LRRC51: variants seen among roughly 807,000 people sequenced by gnomAD.
LRRC51 encodes leucine rich repeat containing 51.
Under a neutral mutation model 17.8 loss-of-function variants are expected in LRRC51, and 8 were observed. That is an observed-to-expected ratio of 0.45 (90% CI 0.26 to 0.81). The LOEUF (loss-of-function observed/expected upper bound fraction) is 0.81. Among genes scored for constraint, LRRC51 ranks in the 30% least tolerant of loss-of-function variants. LRRC51 has a pLI of 0.17. For missense variants in LRRC51, 233 were observed against 239.3 expected (o/e 0.97, Z 0.17); for synonymous variants, 92 against 96.0 (o/e 0.96, Z 0.24).
chr11:72,093,310 T>C (rs912744125), intron 3 of LRRC51, among the ~76,000 whole-genome samples, 186 bp from the exon 4 acceptor site: 2 of 152,238 alleles, frequency 1.3e-5, no homozygotes, highest in African/African-American at 4.8e-5. Flanking sequence ...TCTCTGGCCC[T>C]TAGTCTAAAC....
chr11:72,089,025 C>G lies in LRRC51; in HGVS notation c.-55-4C>G. 5 of 1,611,470 alleles carry G rather than the reference C, an allele frequency of 3.1e-6. No homozygotes were observed. The highest frequency in any genetic ancestry group is 4.2e-6 in the Non-Finnish European group (5 of 1,179,620). On this transcript the variant is annotated splice_region_variant and splice_polypyrimidine_tract_variant and intron_variant, in intron 2 of 5. Coordinates refer to ENST00000289488, the MANE Select transcript of LRRC51 (RefSeq NM_145309.6). ...GAAACACTGGTCTTTCTCTGTCCTC[C>G]CAGGCTGAACCCAGACTCCCAGGGC...
Position 72,093,561 on chromosome 11 carries a change from C to T in LRRC51, c.148C>T (p.Leu50=). ...GAAGCGTTCAAAGTCGGGGAAATCACTGACCCAGTCCCTGTGGCTGAATAA... is the reference window on the plus strand; with the variant it reads ...GAAGCGTTCAAAGTCGGGGAAATCATTGACCCAGTCCCTGTGGCTGAATAA... ...PLKRSKSGKS[L]TQSLWLNNNV... Residue 50 remains leucine (L), a synonymous_variant, in exon 4 of 6, where the codon CTG becomes TTG. Transcript: ENST00000289488. 6.2e-7 allele frequency: 1 copy of T among 1,614,270 alleles called. No homozygotes were observed. The highest frequency in any genetic ancestry group is 8.5e-7 in the Non-Finnish European group (1 of 1,180,054).
At position 72,093,521 on chromosome 11, in the gene LRRC51, A is replaced by G. The variant is rs572218194; in HGVS notation, c.108A>G (p.Thr36=). The change falls in exon 4 of 6, where the codon ACA becomes ACG. Residue 36 remains threonine, a synonymous_variant. Coordinates refer to ENST00000289488, the MANE Select transcript of LRRC51 (RefSeq NM_145309.6). ...IQDLVNEEPR[T]GLRPLKRSKS... ...ATCTGGTAAATGAGGAGCCAAGGAC[A>G]GGACTACGACCACTGAAGCGTTCAA... is the stretch of plus-strand genomic sequence containing the variant. The G allele has an allele frequency of 1.6e-5, 26 of 1,613,908 alleles. No homozygotes were observed. The African/African-American group carries it at 3.3e-4, about 21-fold the overall frequency.
At chr11:72,085,446 A>C (rs1238924349) in intron 1 of LRRC51, 1 of 150,692 alleles carries the variant, frequency 6.6e-6, no homozygotes, top group Admixed American at 6.6e-5. Context: ...GGGAGAAAGA[A>C]GTCTGAGTCT....
intron 1 of LRRC51, among the ~76,000 whole-genome samples, chr11:72,081,137 C>T (rs1944156420): frequency 6.6e-6 from 1 of 152,126 alleles, no homozygotes; most frequent in African/African-American, 2.4e-5. Flanking sequence ...AGAACCACCC[C>T]CAGGGCCGGG....
intron 1 of LRRC51, chr11:72,086,270 T>C: frequency 1.6e-6 from 1 of 611,598 alleles, no homozygotes; most frequent in Non-Finnish European, 2.9e-6. Context: ...CAGGCTGGTT[T>C]ACCACAATCA....
intron 2 of LRRC51, 185 bp from the exon 3 acceptor site, chr11:72,088,844 G>T: frequency 1.7e-6 from 1 of 603,790 alleles, no homozygotes; most frequent in Non-Finnish European, 2.8e-6. Flanking sequence ...AGATGTGAAG[G>T]TGCTCTGAGA....
rs1196421033 is a variant in LRRC51 at position 72,096,530 on chromosome 11, C to T, written c.*1010C>T. On this transcript the variant is annotated 3_prime_UTR_variant, in exon 6 of 6. Transcript: ENST00000289488. Reference sequence around the variant, plus strand: ...TAGGATTACAGGATAAGCCACTGCACCTGGCCAGCTCTAGTCTTATTTTGC... The same window carrying T: ...TAGGATTACAGGATAAGCCACTGCATCTGGCCAGCTCTAGTCTTATTTTGC... 1 of 1,314,322 alleles carries T rather than the reference C, an allele frequency of 7.6e-7. No individual in the cohort carries two copies. Among genetic ancestry groups the T allele is most frequent in the Non-Finnish European group, 9.7e-7 (1 of 1,031,710 alleles). 81.4% of individuals were successfully genotyped at this position (1,314,322 alleles called of 1,614,324 possible).
At position 72,095,101 on chromosome 11, in the gene LRRC51, G is replaced by A; in HGVS notation, c.437+5G>A. ...GGAGGAAGAGAAAGGGTATAGGTAAGTGCCCTGCCCCTGGAGGTAGCGTCT... is the reference window on the plus strand; with the variant it reads ...GGAGGAAGAGAAAGGGTATAGGTAAATGCCCTGCCCCTGGAGGTAGCGTCT... On this transcript the variant is annotated splice_donor_5th_base_variant and intron_variant, in intron 5 of 5. Coordinates refer to ENST00000289488, the MANE Select transcript of LRRC51 (RefSeq NM_145309.6). The A allele has an allele frequency of 6.2e-7, 1 of 1,613,608 alleles. No individual in the cohort carries two copies. The highest frequency in any genetic ancestry group is 8.5e-7 in the Non-Finnish European group (1 of 1,179,636).
At chr11:72,083,157 G>A (rs896377455) in intron 1 of LRRC51, among the ~76,000 whole-genome samples, 5 of 152,120 alleles carry the variant, frequency 3.3e-5, no homozygotes, top group East Asian at 1.9e-4. Context: ...GAGCCGCCAC[G>A]CCCAGCCAGC....
chr11:72,094,931 G>A lies in LRRC51; in HGVS notation c.289-17G>A, dbSNP rs768778599. ...CCTGTCCTGTCTAGCCTGGCTTTTGGTTTCCCTCCCCAACAGGTCCTAACA... is the reference window on the plus strand; with the variant it reads ...CCTGTCCTGTCTAGCCTGGCTTTTGATTTCCCTCCCCAACAGGTCCTAACA... On this transcript the variant is annotated splice_polypyrimidine_tract_variant and intron_variant, in intron 4 of 5. Transcript: ENST00000289488. 17 of 1,613,972 alleles carry A rather than the reference G, an allele frequency of 1.1e-5. No homozygotes were observed. Among genetic ancestry groups the A allele is most frequent in the Admixed American group, 3.3e-5 (2 of 59,988 alleles).
intron 1 of LRRC51, among the ~76,000 whole-genome samples, chr11:72,082,652 C>G (rs1944310622): frequency 1.3e-5 from 2 of 152,294 alleles, no homozygotes; most frequent in East Asian, 3.9e-4. Flanking sequence ...AGCCCAAAAC[C>G]CAAGTTAGTA....
intron 4 of LRRC51, chr11:72,094,509 G>T: frequency 5.1e-6 from 3 of 589,808 alleles, no homozygotes; most frequent in Admixed American, 3.0e-5. Context: ...CCTAAGAGGG[G>T]AAAGGAGCTG....
intron 3 of LRRC51, chr11:72,089,729 C>A: frequency 1.9e-6 from 1 of 526,836 alleles, no homozygotes; most frequent in Non-Finnish European, 2.7e-6. Flanking sequence ...CTCATTCCAG[C>A]CAAATCCAAG....
chr11:72,096,780 C>A lies in LRRC51; in HGVS notation c.*1260C>A. The stretch of plus-strand genomic sequence containing the variant: ...CTCCATGACAGGCCAAGAAGATGGC[C>A]TATGATCTCTGAAACCAGCCCCCAC... On this transcript the variant is annotated 3_prime_UTR_variant, in exon 6 of 6. Transcript: ENST00000289488. The A allele has an allele frequency of 7.0e-7, 1 of 1,434,840 alleles. No homozygotes were observed. The highest frequency in any genetic ancestry group is 9.3e-7 in the Non-Finnish European group (1 of 1,080,106). 88.9% of individuals were successfully genotyped at this position (1,434,840 alleles called of 1,614,324 possible).
At chr11:72,090,495 G>A (rs1454170858) in intron 3 of LRRC51, among the ~76,000 whole-genome samples, 1 of 152,184 alleles carries the variant, frequency 6.6e-6, no homozygotes, top group Non-Finnish European at 1.5e-5. Flanking sequence ...ATGTGTGTGT[G>A]TGTGTGCGTC....
chr11:72,095,328 G>C, intron 5 of LRRC51, 51 bp from the exon 6 acceptor site: 3 of 1,612,924 alleles, frequency 1.9e-6, no homozygotes, highest in Non-Finnish European at 1.7e-6. Context: ...AGTGGAGGGG[G>C]AAGGGGATTC....
At chr11:72,082,618 C>G (rs1490585718) in intron 1 of LRRC51, among the ~76,000 whole-genome samples, 1 of 152,208 alleles carries the variant, frequency 6.6e-6, no homozygotes, top group East Asian at 1.9e-4. Flanking sequence ...TCCAGTGCTC[C>G]TACCTTTATC....
intron 4 of LRRC51, 144 bp downstream of exon 4, chr11:72,093,845 A>C (rs1317516430): frequency 7.3e-6 from 6 of 817,524 alleles, no homozygotes; most frequent in Non-Finnish European, 1.0e-5. Flanking sequence ...GGCCAGACAG[A>C]TAGATGTAGG....
Sources: allele counts gnomAD v4.1 joint callset (sites outside exome capture counted in the v4.1 genomes callset), GRCh38; gene constraint gnomAD v4.1.1; transcripts MANE v1.5; gene names NCBI Gene and HGNC (gene_info 2026-07-23, HGNC 2026-07-21).